RFX8: variants seen among roughly 807,000 people sequenced by gnomAD.
RFX8 encodes regulatory factor X8, also known as DNA-binding protein RFX8.
RFX8 carries 46 observed loss-of-function variants against 54.6 expected under a neutral mutation model. The ratio of observed to expected loss-of-function variants is 0.84; its 90% CI spans 0.67 to 1.08. RFX8 has a LOEUF of 1.08. Ranked by LOEUF, RFX8 falls within the 50% of genes least tolerant of loss-of-function variation. The pLI is 0.00. For synonymous variants in RFX8, 192 were observed against 209.5 expected, an observed-to-expected ratio of 0.92 and a Z score of 0.72; for missense variants, 536 against 562.3, an observed-to-expected ratio of 0.95 and a Z score of 0.47.
intron 2 of RFX8, among the ~76,000 whole-genome samples, chr2:101,454,273 C>T (rs1326402486): frequency 2.0e-5 from 3 of 152,180 alleles, no homozygotes; most frequent in East Asian, 1.9e-4. Context: ...ATATGTGTCA[C>T]ATTTTCCTAA....
At chr2:101,474,133 C>A (rs948088573) in intron 1 of RFX8, 3 of 556,338 alleles carry the variant, frequency 5.4e-6, no homozygotes, top group Admixed American at 7.3e-5. Flanking sequence ...GCAGCCGTAG[C>A]GGGAACCACG....
chr2:101,468,988 A>T (rs1387631939), intron 1 of RFX8, among the ~76,000 whole-genome samples: 1 of 87,140 alleles, frequency 1.1e-5, no homozygotes, highest in Non-Finnish European at 2.6e-5. Context: ...GTATATATAT[A>T]TAAGTATATA....
chr2:101,399,099 C>T lies in RFX8; in HGVS notation c.1246-1375G>A, dbSNP rs776159230. On this transcript the variant is annotated intron_variant, in intron 11 of 11. Transcript: ENST00000428343. ...CTTGGCATCTGACTATTTTGAACGC[C>T]GCTAGAATGTAGAAGAGGGACAGAT... 7.2e-5 allele frequency among the ~76,000 whole-genome samples: 11 copies of T among 152,192 alleles called. No homozygotes were observed. In the Middle Eastern group the frequency reaches 0.01, roughly 141 times the overall value.
Position 101,466,996 on chromosome 2 carries a change from C to A in RFX8, c.-52-96G>T. The A allele has an allele frequency of 4.6e-6, 3 of 652,126 alleles. No individual in the cohort carries two copies. The Admixed American group carries it at 7.7e-5, about 17-fold the overall frequency. 40.4% of individuals were successfully genotyped at this position (652,126 alleles called of 1,614,324 possible). ...CAATGGTCAAGATGTGTATGAGGTT[C>A]CAATAAATGAAACATGTCTAATTTA... On this transcript the variant is annotated intron_variant, in intron 1 of 11. Transcript: ENST00000428343.
intron 2 of RFX8, among the ~76,000 whole-genome samples, chr2:101,463,524 G>A (rs551037631): frequency 2.0e-5 from 3 of 152,330 alleles, no homozygotes; most frequent in African/African-American, 7.2e-5. Flanking sequence ...ATGTGGGAGA[G>A]CCCAGACTCT....
intron 2 of RFX8, among the ~76,000 whole-genome samples, chr2:101,451,832 G>A (rs753101958): frequency 9.2e-5 from 14 of 152,142 alleles, no homozygotes; most frequent in Admixed American, 2.0e-4. Context: ...GGTGGCTCAC[G>A]CCCGTAATCC....
At chr2:101,435,749 AG>A (rs1216930425) in intron 2 of RFX8, among the ~76,000 whole-genome samples, 6 of 152,194 alleles carry the variant, frequency 3.9e-5, no homozygotes, top group African/African-American at 1.4e-4. Flanking sequence ...ATAGGGGAGC[AG>A]GAAGGGAGGG....
chr2:101,474,499 C>T (rs2149006923), intron 1 of RFX8, 137 bp downstream of exon 1: 1 of 339,900 alleles, frequency 2.9e-6, no homozygotes, highest in East Asian at 4.5e-5. Flanking sequence ...CCAACCCCCG[C>T]GCCCCGCCGA....
chr2:101,426,588 A>C lies in RFX8; in HGVS notation c.73-4116T>G, dbSNP rs532381024. Among the ~76,000 whole-genome samples, 51 of 152,358 alleles carry C rather than the reference A, an allele frequency of 3.3e-4. No individual in the cohort carries two copies. In the South Asian group the frequency reaches 3.5e-3, roughly 11 times the overall value. ...GTATAAACAAAAGCTATATCTAAAA[A>C]ATGACCATTGAGAAATTCTACGTGG... On this transcript the variant is annotated intron_variant, in intron 2 of 11. Coordinates refer to ENST00000428343, the MANE Select transcript of RFX8 (RefSeq NM_001145664.2).
intron 2 of RFX8, among the ~76,000 whole-genome samples, chr2:101,461,023 C>T (rs1689243574): frequency 6.6e-6 from 1 of 151,246 alleles, no homozygotes; most frequent in South Asian, 2.1e-4. Flanking sequence ...AATCCCAGCA[C>T]TTTGGGAGGC....
At chr2:101,429,619 C>T (rs1024392330) in intron 2 of RFX8, among the ~76,000 whole-genome samples, 12 of 152,154 alleles carry the variant, frequency 7.9e-5, no homozygotes, top group African/African-American at 2.7e-4. Flanking sequence ...AATGTCCATT[C>T]TCAAGATGCC....
intron 2 of RFX8, among the ~76,000 whole-genome samples, chr2:101,455,669 T>A (rs1211317438): frequency 6.6e-6 from 1 of 152,234 alleles, no homozygotes; most frequent in Non-Finnish European, 1.5e-5. Context: ...AGCTTTGTTC[T>A]TTTGGCCTAG....
intron 2 of RFX8, among the ~76,000 whole-genome samples, chr2:101,424,014 G>C (rs192043980): frequency 6.6e-6 from 1 of 152,254 alleles, no homozygotes; most frequent in East Asian, 1.9e-4. Context: ...TGGAGAAAAT[G>C]CATACTACGC....
intron 7 of RFX8, among the ~76,000 whole-genome samples, chr2:101,413,292 T>C (rs540228308): frequency 2.0e-4 from 31 of 152,280 alleles, no homozygotes; most frequent in Admixed American, 3.9e-4. Context: ...TCTAGGAAGA[T>C]GCGTTCAGGG....
intron 2 of RFX8, among the ~76,000 whole-genome samples, chr2:101,457,558 C>T (rs6543063): frequency 0.34 from 51,944 of 152,094 alleles, 9,489 homozygotes; most frequent in African/African-American, 0.43. Context: ...TTTGATTGCA[C>T]TGTGGTCTGA....
At chr2:101,424,870 G>T (rs568693162) in intron 2 of RFX8, among the ~76,000 whole-genome samples, 5 of 152,294 alleles carry the variant, frequency 3.3e-5, no homozygotes, top group Middle Eastern at 6.8e-3. Context: ...CCGTCAGGGG[G>T]TCGGGGCCTG....
intron 2 of RFX8, among the ~76,000 whole-genome samples, chr2:101,452,672 C>T (rs1386641687): frequency 1.3e-5 from 2 of 151,940 alleles, no homozygotes; most frequent in Non-Finnish European, 2.9e-5. Flanking sequence ...GAAAACATAC[C>T]ACTTGGAGGC....
intron 1 of RFX8, among the ~76,000 whole-genome samples, chr2:101,469,065 T>TACGTATATATATAC (rs1179384468): frequency 4.0e-5 from 1 of 24,844 alleles, no homozygotes; most frequent in African/African-American, 1.4e-4. Flanking sequence ...CGTATATATA[T>TACGTATATATATAC]GTATATATAT....
chr2:101,440,336 T>C (rs1002229824), intron 2 of RFX8, among the ~76,000 whole-genome samples: 2 of 152,220 alleles, frequency 1.3e-5, no homozygotes, highest in African/African-American at 4.8e-5. Context: ...AACCGTTAGC[T>C]GATAAGAGTG....
Sources: allele counts gnomAD v4.1 joint callset (sites outside exome capture counted in the v4.1 genomes callset), GRCh38; gene constraint gnomAD v4.1.1; transcripts MANE v1.5; gene names NCBI Gene and HGNC (gene_info 2026-07-23, HGNC 2026-07-21).